Variants in NRXN1 observed in about 807,000 individuals in gnomAD.
NRXN1 encodes neurexin 1, also known as neurexin-1.
Under a neutral mutation model 150.9 loss-of-function variants are expected in NRXN1, and 39 were observed. The observed-to-expected ratio is 0.26, with a 90% CI of 0.20 to 0.34. NRXN1 has a LOEUF of 0.34. Among genes scored for constraint, NRXN1 ranks in the 10% least tolerant of loss-of-function variants. The pLI is 1.00. For missense variants in NRXN1, 1,815 were observed against 1,949.9 expected, an observed-to-expected ratio of 0.93 and a Z score of 1.30; for synonymous variants, 924 against 757.0, an observed-to-expected ratio of 1.22 and a Z score of -3.62.
intron 5 of NRXN1, among the ~76,000 whole-genome samples, chr2:50,756,289 C>A (rs545025370): frequency 6.6e-6 from 1 of 151,680 alleles, no homozygotes; most frequent in Admixed American, 6.6e-5. Context: ...ATAGAAACTT[C>A]CACCTCACAA....
At chr2:50,663,658 G>GTA (rs759657562) in intron 5 of NRXN1, among the ~76,000 whole-genome samples, 56 of 152,130 alleles carry the variant, frequency 3.7e-4, no homozygotes, top group Admixed American at 1.2e-3. Context: ...AATTAATGTA[G>GTA]TAAAGGTAAT....
At chr2:50,179,990 C>T (rs1400230386) in intron 18 of NRXN1, among the ~76,000 whole-genome samples, 2 of 151,980 alleles carry the variant, frequency 1.3e-5, no homozygotes, top group African/African-American at 4.8e-5. Flanking sequence ...CAGTTTAAAG[C>T]AATTATTGCC....
At chr2:50,452,705 T>C (rs1208472980) in intron 17 of NRXN1, among the ~76,000 whole-genome samples, 1 of 152,206 alleles carries the variant, frequency 6.6e-6, no homozygotes, top group Non-Finnish European at 1.5e-5. Flanking sequence ...ATGTGAAGAA[T>C]ATGTACCTAA....
chr2:50,251,755 T>C (rs897305850), intron 17 of NRXN1, among the ~76,000 whole-genome samples: 1 of 152,214 alleles, frequency 6.6e-6, no homozygotes, highest in Non-Finnish European at 1.5e-5. Flanking sequence ...ACGATTGTGG[T>C]TTTGGTTCAC....
At chr2:50,700,930 T>C (rs987095290) in intron 5 of NRXN1, among the ~76,000 whole-genome samples, 29 of 152,004 alleles carry the variant, frequency 1.9e-4, no homozygotes, top group African/African-American at 7.0e-4. Context: ...CCTCCGAAAG[T>C]GCTGGGATTA....
intron 17 of NRXN1, among the ~76,000 whole-genome samples, chr2:50,388,556 G>C (rs1311948327): frequency 6.6e-6 from 1 of 152,074 alleles, no homozygotes; most frequent in Non-Finnish European, 1.5e-5. Context: ...AACATCTTCC[G>C]GAAATGCTTC....
chr2:50,769,820 G>C (rs1702792381), intron 5 of NRXN1, among the ~76,000 whole-genome samples: 1 of 152,092 alleles, frequency 6.6e-6, no homozygotes, highest in African/African-American at 2.4e-5. Context: ...TGACCATCTA[G>C]TGTCAAAAAC....
At chr2:50,076,182 T>C (rs1443380459) in intron 19 of NRXN1, among the ~76,000 whole-genome samples, 1 of 152,208 alleles carries the variant, frequency 6.6e-6, no homozygotes, top group South Asian at 2.1e-4. Context: ...GAAGCGGTAC[T>C]GCACTTAATG....
intron 21 of NRXN1, among the ~76,000 whole-genome samples, chr2:50,030,414 G>A (rs925477931): frequency 6.6e-6 from 1 of 152,080 alleles, no homozygotes; most frequent in Non-Finnish European, 1.5e-5. Context: ...ACACATAGGA[G>A]TCTATCATAA....
chr2:50,610,365 C>T (rs1000241440), intron 8 of NRXN1, among the ~76,000 whole-genome samples: 3 of 151,702 alleles, frequency 2.0e-5, no homozygotes, highest in Non-Finnish European at 4.4e-5. Context: ...GAGCTTCAGT[C>T]CCATACAATA....
At chr2:50,605,125 A>G (rs1676881416) in intron 8 of NRXN1, among the ~76,000 whole-genome samples, 1 of 152,214 alleles carries the variant, frequency 6.6e-6, no homozygotes, top group Non-Finnish European at 1.5e-5. Flanking sequence ...AAAAAGCAGA[A>G]ATATCTAATT....
At chr2:50,292,399 T>A (rs1009490257) in intron 17 of NRXN1, among the ~76,000 whole-genome samples, 1 of 152,154 alleles carries the variant, frequency 6.6e-6, no homozygotes, top group Non-Finnish European at 1.5e-5. Context: ...AAAAGTTTGA[T>A]CCCTGATTTG....
chr2:50,151,741 T>G (rs1443818471), intron 18 of NRXN1, among the ~76,000 whole-genome samples: 1 of 151,890 alleles, frequency 6.6e-6, no homozygotes, highest in East Asian at 1.9e-4. Context: ...ATTCTAAAGT[T>G]GGATTGTGGC....
At chr2:50,914,911 G>C (rs377591272) in intron 5 of NRXN1, among the ~76,000 whole-genome samples, 1 of 151,670 alleles carries the variant, frequency 6.6e-6, no homozygotes, top group South Asian at 2.1e-4. Flanking sequence ...GGACCCTTGA[G>C]ACACATCAGG....
At chr2:50,322,687 A>G (rs992070706) in intron 17 of NRXN1, among the ~76,000 whole-genome samples, 1 of 152,196 alleles carries the variant, frequency 6.6e-6, no homozygotes, top group Non-Finnish European at 1.5e-5. Context: ...TTTTCCCATT[A>G]GTTATATTTG....
chr2:50,558,045 A>G (rs1159259770), intron 8 of NRXN1, among the ~76,000 whole-genome samples: 1 of 152,218 alleles, frequency 6.6e-6, no homozygotes, highest in Non-Finnish European at 1.5e-5. Context: ...ATCTAACAAC[A>G]GCGGCTACCA....
intron 5 of NRXN1, among the ~76,000 whole-genome samples, chr2:50,890,180 C>A (rs1680841093): frequency 6.6e-6 from 1 of 151,670 alleles, no homozygotes; most frequent in Non-Finnish European, 1.5e-5. Context: ...TCCAAAATTC[C>A]TTTTGCTATC....
intron 5 of NRXN1, among the ~76,000 whole-genome samples, chr2:50,720,158 T>C (rs958558927): frequency 6.6e-6 from 1 of 152,176 alleles, no homozygotes; most frequent in African/African-American, 2.4e-5. Flanking sequence ...ATGCAATTTC[T>C]GTATAACTGA....
intron 2 of NRXN1, among the ~76,000 whole-genome samples, chr2:50,973,481 TAC>T (rs1165784257): frequency 6.6e-6 from 1 of 152,210 alleles, no homozygotes; most frequent in Non-Finnish European, 1.5e-5. Flanking sequence ...GCCTACTAAG[TAC>T]ACAGTCCTTC....
Sources: gnomAD v4.1 joint callset for allele counts (sites outside exome capture counted in the v4.1 genomes callset) on GRCh38, gnomAD v4.1.1 for gene constraint, MANE v1.5 for transcripts, NCBI Gene and HGNC (gene_info 2026-07-23, HGNC 2026-07-21) for gene names.